OTOGL: variants seen among roughly 807,000 people sequenced by gnomAD.
The protein encoded by OTOGL is otogelin-like protein.
Under a neutral mutation model 318.5 loss-of-function variants are expected in OTOGL, and 285 were observed. That is an observed-to-expected ratio of 0.89 (90% CI 0.81 to 0.99). The LOEUF is 0.99. OTOGL is among the 50% of genes least tolerant of loss of function. OTOGL has a pLI of 0.00. For synonymous variants in OTOGL, 987 were observed against 936.5 expected (o/e 1.05, Z -0.99); for missense variants, 2,899 against 2,845.6 (o/e 1.02, Z -0.43).
rs1397095699 is a variant in OTOGL at position 80,229,133 on chromosome 12, G to T, written c.490-124G>T. On this transcript the variant is annotated intron_variant, in intron 7 of 58. Coordinates refer to ENST00000547103, the MANE Select transcript of OTOGL (RefSeq NM_001378609.3). ...TTTTCTCTCAGAAATCCCAAATGTAGTTATAACGTTGTAAAGTGTCATGGG... is the reference window on the plus strand; with the variant it reads ...TTTTCTCTCAGAAATCCCAAATGTATTTATAACGTTGTAAAGTGTCATGGG... 2.6e-6 allele frequency: 3 copies of T among 1,141,114 alleles called. No individual in the cohort carries two copies. The East Asian group carries it at 7.2e-5, about 27-fold the overall frequency. 70.7% of individuals were successfully genotyped at this position (1,141,114 alleles called of 1,614,324 possible).
At chr12:80,352,234 G>T in intron 44 of OTOGL, 61 bp from the exon 45 acceptor site, 1 of 1,443,654 alleles carries the variant, frequency 6.9e-7, no homozygotes, top group Non-Finnish European at 9.4e-7. Context: ...TCTTAGTCTA[G>T]CTTAGGGCTT....
intron 1 of OTOGL, among the ~76,000 whole-genome samples, chr12:80,159,859 G>A (rs1159907895): frequency 6.6e-6 from 1 of 151,954 alleles, no homozygotes; most frequent in Admixed American, 6.6e-5. Context: ...ATACTATAAG[G>A]CCATAGTCAC....
intron 26 of OTOGL, among the ~76,000 whole-genome samples, chr12:80,280,423 T>A (rs1884142167): frequency 1.3e-5 from 2 of 149,346 alleles, no homozygotes; most frequent in Non-Finnish European, 3.0e-5. Flanking sequence ...TTTTTTATGA[T>A]CTTAGGTCTT....
intron 44 of OTOGL, among the ~76,000 whole-genome samples, chr12:80,346,154 C>T (rs1048540557): frequency 6.6e-6 from 1 of 152,080 alleles, no homozygotes; most frequent in Non-Finnish European, 1.5e-5. Context: ...TTCTTTTTCT[C>T]TCAAAGCCTC....
At chr12:80,328,195 T>A (rs1887824057) in intron 35 of OTOGL, among the ~76,000 whole-genome samples, 3 of 151,920 alleles carry the variant, frequency 2.0e-5, no homozygotes, top group Admixed American at 2.0e-4. Context: ...GACACATGCC[T>A]GTAGTCCAAG....
At chr12:80,163,043 T>A (rs10862073) in intron 1 of OTOGL, among the ~76,000 whole-genome samples, 11,974 of 152,106 alleles carry the variant, frequency 0.079, 518 homozygotes, top group Middle Eastern at 0.17. Flanking sequence ...TCCAAAAAAA[T>A]GGAGCCTGGA....
rs117005311 is a variant in OTOGL, at chr12:80,262,217, C to T, written c.2014+124C>T. 15,832 of 998,064 alleles carry T rather than the reference C, an allele frequency of 0.016. 164 individuals are homozygous for T. Among genetic ancestry groups the T allele is most frequent in the Middle Eastern group, 0.041 (116 of 2,862 alleles). 61.8% of individuals were successfully genotyped at this position (998,064 alleles called of 1,614,324 possible). A position where few individuals can be genotyped will look rare whatever the true frequency, so the allele number is the denominator to read the frequency against. ...TTCTCCATTATGGTAAAATCAATGC[C>T]ATTCCTCGTGTATTTTTTTTTTGCT... On this transcript the variant is annotated intron_variant, in intron 19 of 58. Transcript: ENST00000547103.
At position 80,255,071 on chromosome 12, in the gene OTOGL, T is replaced by A; in HGVS notation, c.1473T>A (p.Phe491Leu). 6.6e-7 allele frequency: 1 copy of A among 1,518,460 alleles called. No individual in the cohort carries two copies. Among genetic ancestry groups the A allele is most frequent in the Non-Finnish European group, 8.8e-7 (1 of 1,136,648 alleles). The allele number at this position is 1,518,460 out of a possible 1,614,324, so 94.1% of individuals were successfully genotyped here. The change falls in exon 16 of 59, where the codon TTT becomes TTA. Residue 491 changes from phenylalanine (F) to leucine (L), a missense_variant. Phe to Leu is a conservative substitution (Grantham distance 22). Transcript: ENST00000547103. ...VQCSVVGDSH[F>L]TTFDGRHYSF... ...GCTCAGTTGTAGGTGATTCTCACTT[T>A]ACAACTTTTGATGGTCGACATTATT... is the stretch of plus-strand genomic sequence containing the variant.
chr12:80,267,759 G>GTA (rs1422588499), intron 22 of OTOGL, among the ~76,000 whole-genome samples: 19 of 151,678 alleles, frequency 1.3e-4, no homozygotes, highest in Non-Finnish European at 2.6e-4. Context: ...TCATGTGATT[G>GTA]TATATATATG....
In OTOGL at chr12:80,233,822, C is replaced by A. The variant is rs544826541; in HGVS notation, c.817+725C>A. 1.8e-3 allele frequency among the ~76,000 whole-genome samples: 271 copies of A among 152,258 alleles called. 2 individuals are homozygous for A. Among genetic ancestry groups the A allele is most frequent in the African/African-American group, 6.4e-3 (264 of 41,562 alleles). ...AACTTGGGTTTGAATCTCCTTTCAA[C>A]TTTTATAAGTTCTGTAATTTGAGGA... On this transcript the variant is annotated intron_variant, in intron 9 of 58. Coordinates refer to ENST00000547103, the MANE Select transcript of OTOGL (RefSeq NM_001378609.3).
intron 14 of OTOGL, among the ~76,000 whole-genome samples, chr12:80,253,971 A>G (rs1881800915): frequency 6.6e-6 from 1 of 152,114 alleles, no homozygotes. Context: ...AAATTTGCTA[A>G]CTAACACTGT....
chr12:80,279,784 A>G (rs145101340), intron 26 of OTOGL, among the ~76,000 whole-genome samples: 2,008 of 151,788 alleles, frequency 0.013, 39 homozygotes, highest in African/African-American at 0.046. Context: ...AGAATGATTT[A>G]TATTCCTTTG....
At chr12:80,135,726 A>G (rs1043034400) in intron 1 of OTOGL, among the ~76,000 whole-genome samples, 1 of 152,230 alleles carries the variant, frequency 6.6e-6, no homozygotes, top group Non-Finnish European at 1.5e-5. Flanking sequence ...CTGGTCAAAC[A>G]TTGTGAGTGT....
intron 24 of OTOGL, among the ~76,000 whole-genome samples, chr12:80,272,062 C>T (rs1415786287): frequency 6.6e-6 from 1 of 152,098 alleles, no homozygotes; most frequent in Non-Finnish European, 1.5e-5. Context: ...GATGAAACTG[C>T]AATTTTGAGA....
intron 44 of OTOGL, among the ~76,000 whole-genome samples, chr12:80,345,421 G>C (rs1010363129): frequency 1.3e-5 from 2 of 151,184 alleles, no homozygotes; most frequent in South Asian, 4.2e-4. Flanking sequence ...ATTTTTAATA[G>C]AGATGGAGTT....
At chr12:80,340,134 G>A (rs1888672432) in intron 43 of OTOGL, among the ~76,000 whole-genome samples, 1 of 152,092 alleles carries the variant, frequency 6.6e-6, no homozygotes. Context: ...TTTAATCTCA[G>A]TAAATATTAA....
chr12:80,261,421 C>T (rs1377833638), intron 18 of OTOGL, among the ~76,000 whole-genome samples: 1 of 152,018 alleles, frequency 6.6e-6, no homozygotes, highest in Non-Finnish European at 1.5e-5. Flanking sequence ...GGTTTGCCCA[C>T]TTCATAATGG....
intron 7 of OTOGL, among the ~76,000 whole-genome samples, chr12:80,224,376 G>T (rs1878632216): frequency 6.6e-6 from 1 of 151,876 alleles, no homozygotes; most frequent in Admixed American, 6.6e-5. Flanking sequence ...TGTTCTTTTT[G>T]CTTAGTCTTG....
chr12:80,336,474 A>G lies in OTOGL; in HGVS notation c.4662A>G (p.Leu1554=), dbSNP rs371937040. The change falls in exon 40 of 59, where the codon TTA becomes TTG. Residue 1554 remains leucine (L), a synonymous_variant. Coordinates refer to ENST00000547103, the MANE Select transcript of OTOGL (RefSeq NM_001378609.3). ...IITFDGNNAA[L]YSMASYILVR... is the part of the protein sequence containing the mutation. Reference sequence around the variant, plus strand: ...CATTTGATGGAAACAACGCAGCATTATATAGCATGGCTTCTTATATCTTAG... The same window carrying G: ...CATTTGATGGAAACAACGCAGCATTGTATAGCATGGCTTCTTATATCTTAG... 427 of 1,609,106 alleles carry G rather than the reference A, an allele frequency of 2.7e-4. 4 individuals are homozygous for G. Among genetic ancestry groups the G allele is most frequent in the Middle Eastern group, 1.6e-4 (1 of 6,078 alleles).
Sources: allele counts gnomAD v4.1 joint callset (sites outside exome capture counted in the v4.1 genomes callset), GRCh38; gene constraint gnomAD v4.1.1; transcripts MANE v1.5; gene names NCBI Gene and HGNC (gene_info 2026-07-23, HGNC 2026-07-21).